The following CCSER2 variants were observed in gnomAD, a reference collection of about 807,000 sequenced individuals.
The protein encoded by CCSER2 is serine-rich coiled-coil domain-containing protein 2.
Under a neutral mutation model 92.3 loss-of-function variants are expected in CCSER2, and 46 were observed. That is an observed-to-expected ratio of 0.50 (90% CI 0.39 to 0.64). The LOEUF is 0.64. Among genes scored for constraint, CCSER2 ranks in the 30% least tolerant of loss-of-function variants. The pLI is 0.00. For missense variants in CCSER2, 1,244 were observed against 1,238.9 expected, an observed-to-expected ratio of 1.00 and a Z score of -0.06; for synonymous variants, 433 against 431.4, an observed-to-expected ratio of 1.00 and a Z score of -0.04.
intron 6 of CCSER2, among the ~76,000 whole-genome samples, chr10:84,457,360 T>TA (rs1845780922): frequency 6.8e-4 from 21 of 30,836 alleles, no homozygotes; most frequent in Non-Finnish European, 1.7e-3. Context: ...AATATATATA[T>TA]TTATTTTAAA....
chr10:84,373,780 G>C lies in CCSER2; in HGVS notation c.1579G>C (p.Val527Leu). The change falls in exon 3 of 10, where the codon GTT (valine) becomes CTT (leucine). Residue 527 changes from valine (V) to leucine (L), a missense_variant. Transcript: ENST00000372088. ...GGAACCCATTGGAAATGTCCATCCA[G>C]TTGGGAGCTATGAGTCCTCTGAAAT... ...GLEPIGNVHPVGSYESSEMNS... is the reference protein window; with the variant it reads ...GLEPIGNVHPLGSYESSEMNS... 1 of 1,613,752 alleles carries C rather than the reference G, an allele frequency of 6.2e-7. No homozygotes were observed. Among genetic ancestry groups the C allele is most frequent in the Non-Finnish European group, 8.5e-7 (1 of 1,179,736 alleles).
chr10:84,467,282 T>A (rs181276010), intron 7 of CCSER2, among the ~76,000 whole-genome samples: 3 of 152,328 alleles, frequency 2.0e-5, no homozygotes, highest in African/African-American at 7.2e-5. Context: ...GATTTATATC[T>A]TTAGTCCAGT....
At chr10:84,486,877 G>T (rs1449187567) in intron 9 of CCSER2, among the ~76,000 whole-genome samples, 3 of 152,130 alleles carry the variant, frequency 2.0e-5, no homozygotes, top group African/African-American at 7.2e-5. Context: ...ATGGTTTTAG[G>T]TCTAACATTT....
chr10:84,401,794 T>G (rs1278918375), intron 3 of CCSER2, among the ~76,000 whole-genome samples: 2 of 152,212 alleles, frequency 1.3e-5, no homozygotes, highest in Non-Finnish European at 2.9e-5. Context: ...TAATTTTATG[T>G]GGCTTCAGCA....
chr10:84,489,073 T>G (rs1847984225), intron 9 of CCSER2, among the ~76,000 whole-genome samples: 1 of 152,196 alleles, frequency 6.6e-6, no homozygotes, highest in Admixed American at 6.5e-5. Context: ...TAATCCTGAG[T>G]TCTAGTTTGA....
At chr10:84,329,047 G>A (rs886559900) in intron 1 of CCSER2, among the ~76,000 whole-genome samples, 1 of 151,952 alleles carries the variant, frequency 6.6e-6, no homozygotes, top group African/African-American at 2.4e-5. Context: ...CTGTGACAGC[G>A]CGGGGCCTCG....
chr10:84,414,056 G>A (rs563093233), intron 3 of CCSER2, among the ~76,000 whole-genome samples: 16 of 152,062 alleles, frequency 1.1e-4, no homozygotes, highest in Non-Finnish European at 1.8e-4. Flanking sequence ...ATGTGAGATG[G>A]GTCTTTTGAA....
At position 84,373,529 on chromosome 10, in the gene CCSER2, C is replaced by T. The variant is rs906260903; in HGVS notation, c.1418-90C>T. The T allele has an allele frequency of 4.1e-6, 4 of 985,946 alleles. No individual in the cohort carries two copies. In the African/African-American group the frequency reaches 4.9e-5, roughly 12 times the overall value. 61.1% of individuals were successfully genotyped at this position (985,946 alleles called of 1,614,324 possible). On this transcript the variant is annotated intron_variant, in intron 2 of 9. Coordinates refer to ENST00000372088, the MANE Select transcript of CCSER2 (RefSeq NM_001284240.2). ...TGCTTTTTTTGAGCCAGCTTTTTTG[C>T]TATGATATATCAAATTATTAGCACT...
At chr10:84,423,295 C>G (rs1411290513) in intron 4 of CCSER2, among the ~76,000 whole-genome samples, 2 of 152,178 alleles carry the variant, frequency 1.3e-5, no homozygotes, top group African/African-American at 4.8e-5. Flanking sequence ...AATCTTGGAG[C>G]AGTCATTTCT....
At chr10:84,495,979 TTATTTC>T (rs148898179) in intron 9 of CCSER2, among the ~76,000 whole-genome samples, 52,809 of 150,024 alleles carry the variant, frequency 0.35, 11,066 homozygotes, top group East Asian at 0.5. Context: ...TCTTTTTTCT[TTATTTC>T]TGTTTTTTCT....
At chr10:84,495,198 A>G (rs1223996958) in intron 9 of CCSER2, among the ~76,000 whole-genome samples, 1 of 141,408 alleles carries the variant, frequency 7.1e-6, no homozygotes. Context: ...TTCTCTTGAG[A>G]CTTCCTCTCT....
intron 5 of CCSER2, among the ~76,000 whole-genome samples, chr10:84,430,665 A>C (rs1843715473): frequency 6.6e-6 from 1 of 152,150 alleles, no homozygotes; most frequent in African/African-American, 2.4e-5. Context: ...TGCTTGTTGT[A>C]ATGCTTTTGG....
chr10:84,420,740 T>A (rs1179679050), intron 4 of CCSER2, among the ~76,000 whole-genome samples: 2 of 152,084 alleles, frequency 1.3e-5, no homozygotes, highest in Non-Finnish European at 2.9e-5. Context: ...GAGACCATCC[T>A]GGCTAACATG....
chr10:84,470,577 A>G (rs979027527), intron 8 of CCSER2, 119 bp downstream of exon 8: 8 of 792,080 alleles, frequency 1.0e-5, no homozygotes, highest in Non-Finnish European at 1.4e-5. Flanking sequence ...TTGCACTTTT[A>G]TATTATTTTT....
At chr10:84,478,539 T>G (rs1447050483) in intron 9 of CCSER2, among the ~76,000 whole-genome samples, 1 of 152,228 alleles carries the variant, frequency 6.6e-6, no homozygotes, top group Non-Finnish European at 1.5e-5. Context: ...AGAGTTTTGT[T>G]TCTTTTCATC....
At chr10:84,356,313 C>T (rs993738069) in intron 1 of CCSER2, among the ~76,000 whole-genome samples, 5 of 151,846 alleles carry the variant, frequency 3.3e-5, no homozygotes, top group African/African-American at 4.8e-5. Flanking sequence ...TTCTCAGTGT[C>T]GGTACTCGGG....
At chr10:84,449,639 G>A (rs1218249667) in intron 6 of CCSER2, among the ~76,000 whole-genome samples, 1 of 152,172 alleles carries the variant, frequency 6.6e-6, no homozygotes, top group African/African-American at 2.4e-5. Context: ...CAGATCACCT[G>A]TGGTTGGGAG....
intron 5 of CCSER2, among the ~76,000 whole-genome samples, chr10:84,426,654 A>C (rs1225315228): frequency 1.3e-5 from 2 of 152,164 alleles, no homozygotes; most frequent in African/African-American, 4.8e-5. Context: ...CAGGGATTTC[A>C]GGTCATTTTG....
At chr10:84,449,755 G>T (rs936336627) in intron 6 of CCSER2, among the ~76,000 whole-genome samples, 1 of 152,102 alleles carries the variant, frequency 6.6e-6, no homozygotes, top group Non-Finnish European at 1.5e-5. Flanking sequence ...GCTGAGACAG[G>T]AGAATTGCTT....
Sources: allele counts gnomAD v4.1 joint callset (sites outside exome capture counted in the v4.1 genomes callset), GRCh38; gene constraint gnomAD v4.1.1; transcripts MANE v1.5; gene names NCBI Gene and HGNC (gene_info 2026-07-23, HGNC 2026-07-21).